PCDHGA9: variants seen among roughly 807,000 people sequenced by gnomAD.
The protein encoded by PCDHGA9 is protocadherin gamma-A9.
PCDHGA9 carries 37 observed loss-of-function variants against 62.5 expected under a neutral mutation model. The observed-to-expected ratio is 0.59, with a 90% CI of 0.46 to 0.78. PCDHGA9 has a LOEUF of 0.78. Ranked by LOEUF, PCDHGA9 falls within the 30% of genes least tolerant of loss-of-function variation. The pLI is 0.00. For missense variants in PCDHGA9, 1,138 were observed against 1,166.2 expected (o/e 0.98, Z 0.35); for synonymous variants, 459 against 484.6 (o/e 0.95, Z 0.69).
In PCDHGA9 at chr5:141,404,892, A is replaced by G. The variant is rs2094580163; in HGVS notation, c.1940A>G (p.Gln647Arg). 2 of 1,613,880 alleles carry G rather than the reference A, an allele frequency of 1.2e-6. No homozygotes were observed. The highest frequency in any genetic ancestry group is 1.3e-5 in the African/African-American group (1 of 75,042). ...ALKQSLVVAV[Q>R]DHGQPPLSAT... ...AAACAGAGCCTTGTGGTGGCTGTACAGGACCATGGCCAGCCCCCTCTCTCG... is the reference window on the plus strand; with the variant it reads ...AAACAGAGCCTTGTGGTGGCTGTACGGGACCATGGCCAGCCCCCTCTCTCG... Residue 647 changes from glutamine (Q) to arginine (R), a missense_variant, in exon 1 of 4, where the codon CAG becomes CGG. Transcript: ENST00000573521.
chr5:141,462,477 G>A (rs1430561580), intron 1 of PCDHGA9, among the ~76,000 whole-genome samples: 1 of 151,828 alleles, frequency 6.6e-6, no homozygotes, highest in East Asian at 1.9e-4. Flanking sequence ...TCTGCTTCTC[G>A]TGGTTGTTGT....
intron 1 of PCDHGA9, among the ~76,000 whole-genome samples, chr5:141,468,246 A>G (rs2099161183): frequency 6.7e-6 from 1 of 149,754 alleles, no homozygotes; most frequent in South Asian, 2.1e-4. Context: ...AATTGCCTGA[A>G]CCTGGGAGGC....
Position 141,490,282 on chromosome 5 carries a change from C to T in PCDHGA9, c.2425-4525C>T, listed in dbSNP as rs763429413. 1.2e-6 allele frequency: 2 copies of T among 1,614,194 alleles called. No individual in the cohort carries two copies. The highest frequency in any genetic ancestry group is 1.7e-6 in the Non-Finnish European group (2 of 1,180,036). ...TGTGGGGGATGTCAATGACAATGCC[C>T]CAGAGGTGCTATTGGCCTCTTTGGC... On this transcript the variant is annotated intron_variant, in intron 1 of 3. Transcript: ENST00000573521. This position sits in a 1 kb window ranked among gnomAD's most constrained non-coding sequence, Gnocchi z 5.4.
intron 1 of PCDHGA9, among the ~76,000 whole-genome samples, chr5:141,455,406 CAG>C (rs1306843200): frequency 3.3e-5 from 5 of 152,226 alleles, no homozygotes; most frequent in Non-Finnish European, 5.9e-5. Flanking sequence ...CTTACAGAGA[CAG>C]AGGGAGCGGG....
At position 141,423,255 on chromosome 5, in the gene PCDHGA9, C is replaced by T. The variant is rs368969800; in HGVS notation, c.2424+17879C>T. ...GCATCCCCGAAGTCCTGGCGGACCT[C>T]GGCAGCCTCGAGTCTCTGGCTAACT... On this transcript the variant is annotated intron_variant, in intron 1 of 3. Transcript: ENST00000573521. 2.0e-5 allele frequency: 33 copies of T among 1,613,930 alleles called. No homozygotes were observed. In the East Asian group the frequency reaches 3.8e-4, roughly 19 times the overall value.
chr5:141,432,745 G>A lies in PCDHGA9; in HGVS notation c.2424+27369G>A, dbSNP rs138883931. ...TCTCCGCCACTGTCACGCTCACCGT[G>A]GCCGTGGCCGACAGCATCCCCCAAG... On this transcript the variant is annotated intron_variant, in intron 1 of 3. Coordinates refer to ENST00000573521, the MANE Select transcript of PCDHGA9 (RefSeq NM_018921.3). This position sits in a 1 kb window ranked among gnomAD's most constrained non-coding sequence, Gnocchi z 6.0. 311 of 1,614,110 alleles carry A rather than the reference G, an allele frequency of 1.9e-4. No individual in the cohort carries two copies. The African/African-American group carries it at 3.5e-3, about 18-fold the overall frequency.
At chr5:141,505,827 TCA>T (rs1197972266) in intron 3 of PCDHGA9, among the ~76,000 whole-genome samples, 4 of 152,072 alleles carry the variant, frequency 2.6e-5, no homozygotes, top group South Asian at 4.1e-4. Context: ...TCTCTAAACC[TCA>T]GTTTCCTCAG....
At chr5:141,415,753 T>TG in intron 1 of PCDHGA9, 2 of 1,381,386 alleles carry the variant, frequency 1.4e-6, no homozygotes, top group Non-Finnish European at 1.9e-6. Context: ...TTTTTTTTTT[T>TG]TTTTTTTTTT....
At chr5:141,457,532 T>C (rs2098923599) in intron 1 of PCDHGA9, among the ~76,000 whole-genome samples, 1 of 152,058 alleles carries the variant, frequency 6.6e-6, no homozygotes, top group Admixed American at 6.6e-5. Flanking sequence ...GAGACTAGGG[T>C]TTAATGACAA....
rs1281778338 is a variant in PCDHGA9, at chr5:141,512,281, G to A, written c.*1108G>A. ...TGGGTACTCCAGAGGTGCCACTGGTGGAAGGGTCAGCGGAGCCCCAGCAGG... is the reference window on the plus strand; with the variant it reads ...TGGGTACTCCAGAGGTGCCACTGGTAGAAGGGTCAGCGGAGCCCCAGCAGG... On this transcript the variant is annotated 3_prime_UTR_variant, in exon 4 of 4. Transcript: ENST00000573521. 6.5e-6 allele frequency: 1 copy of A among 152,810 alleles called. No homozygotes were observed. Among genetic ancestry groups the A allele is most frequent in the Non-Finnish European group, 1.5e-5 (1 of 68,178 alleles). The allele number at this position is 152,810 out of a possible 1,614,324, so 9.5% of individuals were successfully genotyped here.
At chr5:141,412,060 C>G (rs1191231135) in intron 1 of PCDHGA9, 2 of 152,154 alleles carry the variant, frequency 1.3e-5, no homozygotes, top group African/African-American at 2.4e-5. Context: ...ATACCCTTTG[C>G]ATTTGAGGGA....
chr5:141,430,413 A>G lies in PCDHGA9; in HGVS notation c.2424+25037A>G, dbSNP rs1437560579. ...AAAAAAAAAGCTCACTAAAGTTTCTATTAAAGCGAATACGGTAGATTTCCA... is the reference window on the plus strand; with the variant it reads ...AAAAAAAAAGCTCACTAAAGTTTCTGTTAAAGCGAATACGGTAGATTTCCA... On this transcript the variant is annotated intron_variant, in intron 1 of 3. Coordinates refer to ENST00000573521, the MANE Select transcript of PCDHGA9 (RefSeq NM_018921.3). Among the ~76,000 whole-genome samples the G allele has an allele frequency of 2.0e-5, 3 of 151,870 alleles. No homozygotes were observed. In the South Asian group the frequency reaches 6.2e-4, roughly 31 times the overall value.
chr5:141,432,803 G>T lies in PCDHGA9; in HGVS notation c.2424+27427G>T, dbSNP rs751950423. 3 of 1,614,160 alleles carry T rather than the reference G, an allele frequency of 1.9e-6. No homozygotes were observed. The highest frequency in any genetic ancestry group is 2.2e-5 in the East Asian group (1 of 44,874). ...GGACCTCGGCAGCCTCGAGTCTCCA[G>T]CTAACTCTGAAACCTCAGACCTCAC... On this transcript the variant is annotated intron_variant, in intron 1 of 3. Coordinates refer to ENST00000573521, the MANE Select transcript of PCDHGA9 (RefSeq NM_018921.3). This position sits in a 1 kb window ranked among gnomAD's most constrained non-coding sequence, Gnocchi z 6.0.
chr5:141,491,114 C>T lies in PCDHGA9; in HGVS notation c.2425-3693C>T, dbSNP rs1240431232. 1 of 1,614,104 alleles carries T rather than the reference C, an allele frequency of 6.2e-7. No homozygotes were observed. Among genetic ancestry groups the T allele is most frequent in the Admixed American group, 1.7e-5 (1 of 60,012 alleles). ...GGACTGTTCCTCGTGTCTACACACA[C>T]TGGTGAGGTGCGCACAGCCCGGGCC... On this transcript the variant is annotated intron_variant, in intron 1 of 3. Transcript: ENST00000573521. The surrounding 1 kb of genome is among the most constrained non-coding windows in gnomAD (Gnocchi z 6.9).
rs1047637676 is a variant in PCDHGA9, at chr5:141,449,606, A to G, written c.2424+44230A>G. The stretch of plus-strand genomic sequence containing the variant: ...TCTGTCTCAAAAAAAAAAAAAAAAA[A>G]AGTAAAAAAGTTTTTTAAAAAGATG... On this transcript the variant is annotated intron_variant, in intron 1 of 3. Transcript: ENST00000573521. 3.9e-3 allele frequency among the ~76,000 whole-genome samples: 591 copies of G among 150,802 alleles called. 2 individuals carry two copies. The highest frequency in any genetic ancestry group is 0.01 in the Middle Eastern group (3 of 290).
chr5:141,457,264 C>T (rs2098915249), intron 1 of PCDHGA9, among the ~76,000 whole-genome samples: 1 of 152,142 alleles, frequency 6.6e-6, no homozygotes, highest in South Asian at 2.1e-4. Flanking sequence ...ATAGAATTCC[C>T]CTCTGTGGGC....
chr5:141,504,790 CT>C (rs1204741124), intron 2 of PCDHGA9, among the ~76,000 whole-genome samples: 15 of 152,080 alleles, frequency 9.9e-5, no homozygotes, highest in Admixed American at 3.9e-4. Context: ...TTGGGGCCTC[CT>C]ACATCTCCCC....
At chr5:141,414,557 A>G (rs749209012) in intron 1 of PCDHGA9, 21 of 1,613,786 alleles carry the variant, frequency 1.3e-5, no homozygotes, top group Non-Finnish European at 1.8e-5. Context: ...CAAGTCTCCT[A>G]CTTTACCTAT....
At position 141,437,148 on chromosome 5, in the gene PCDHGA9, A is replaced by T. The variant is rs1196014608; in HGVS notation, c.2424+31772A>T. ...GTTGATAATTTAGGATTCATAATTA[A>T]CATATGTGTTGATTGTTTTCTGAGA... is the stretch of plus-strand genomic sequence containing the variant. On this transcript the variant is annotated intron_variant, in intron 1 of 3. Coordinates refer to ENST00000573521, the MANE Select transcript of PCDHGA9 (RefSeq NM_018921.3). Among the ~76,000 whole-genome samples the T allele has an allele frequency of 2.0e-5, 3 of 152,214 alleles. No individual in the cohort carries two copies. In the East Asian group the frequency reaches 5.8e-4, roughly 29 times the overall value.
Sources: allele counts gnomAD v4.1 joint callset (sites outside exome capture counted in the v4.1 genomes callset), GRCh38; gene constraint gnomAD v4.1.1; non-coding constraint Gnocchi (gnomAD v3.1); transcripts MANE v1.5; gene names NCBI Gene and HGNC (gene_info 2026-07-23, HGNC 2026-07-21).